Variants in RANBP2 observed in about 807,000 individuals in gnomAD.
RANBP2 encodes the protein RAN binding protein 2.
Under a neutral mutation model 303.6 loss-of-function variants are expected in RANBP2, and 57 were observed. The ratio of observed to expected loss-of-function variants is 0.19; its 90% CI spans 0.15 to 0.23. The LOEUF (loss-of-function observed/expected upper bound fraction) is 0.23. RANBP2 is among the 10% of genes least tolerant of loss of function. The probability of loss-of-function intolerance (pLI) is 1.00; values close to 1 mark genes in which losing one functional copy is unlikely to be tolerated. For synonymous variants in RANBP2, 1,167 were observed against 1,301.5 expected, an observed-to-expected ratio of 0.90 and a Z score of 2.23; for missense variants, 3,138 against 3,780.8, an observed-to-expected ratio of 0.83 and a Z score of 4.46.
At chr2:109,636,987 C>T in the RANBP2 span, among the ~76,000 whole-genome samples, 237 of 152,222 alleles carry the variant, frequency 1.6e-3, no homozygotes, top group African/African-American at 4.8e-3. Context: ...GGACCTGCAC[C>T]GGCACCGGTC....
the RANBP2 span, among the ~76,000 whole-genome samples, chr2:109,133,762 G>A: frequency 5.1e-4 from 71 of 138,482 alleles, no homozygotes; most frequent in African/African-American, 1.7e-3. Flanking sequence ...TTCTTTCCCT[G>A]TTACAGACTA....
the RANBP2 span, chr2:108,906,382 T>C: frequency 6.2e-7 from 1 of 1,613,870 alleles, no homozygotes; most frequent in Non-Finnish European, 8.5e-7. Context: ...TGAAAAAGAG[T>C]CGAGAATTTT....
intron 15 of RANBP2, among the ~76,000 whole-genome samples, 164 bp downstream of exon 15, chr2:108,754,135 C>G (rs946506733): frequency 6.6e-6 from 1 of 152,116 alleles, no homozygotes; most frequent in Non-Finnish European, 1.5e-5. Context: ...CTTGCTTTGT[C>G]TTAGGTTTGG....
chr2:109,707,709 C>T, the RANBP2 span, among the ~76,000 whole-genome samples: 12 of 152,280 alleles, frequency 7.9e-5, no homozygotes, highest in South Asian at 2.1e-4. Context: ...GCTGGTTGTT[C>T]GATAGTTTGA....
In RANBP2 at chr2:108,763,908, T is replaced by C. The variant is rs1201373010; in HGVS notation, c.3369T>C (p.Ser1123=). 6.2e-6 allele frequency: 10 copies of C among 1,613,832 alleles called. No individual in the cohort carries two copies. The highest frequency in any genetic ancestry group is 8.5e-6 in the Non-Finnish European group (10 of 1,179,984). Residue 1123 remains serine (S), a synonymous_variant, in exon 20 of 29, where the codon TCT becomes TCC. Coordinates refer to ENST00000283195, the MANE Select transcript of RANBP2 (RefSeq NM_006267.5). The part of the protein sequence containing the change: ...ENMGSSQQKN[S]GFRRSDDMFT... Reference sequence around the variant, plus strand: ...TGGGGTCGAGTCAGCAAAAGAATTCTGGTTTTCGGCGAAGTGATGATATGT... The same window carrying C: ...TGGGGTCGAGTCAGCAAAAGAATTCCGGTTTTCGGCGAAGTGATGATATGT...
intron 18 of RANBP2, 109 bp from the exon 19 acceptor site, chr2:108,761,992 A>C: frequency 6.9e-7 from 1 of 1,452,102 alleles, no homozygotes. Flanking sequence ...ATGTAGTTAA[A>C]TCTTTCTTTA....
chr2:108,860,845 T>A, the RANBP2 span, among the ~76,000 whole-genome samples: 1 of 151,762 alleles, frequency 6.6e-6, no homozygotes, highest in Non-Finnish European at 1.5e-5. Flanking sequence ...TCCCTCCTCC[T>A]CGATATTTTG....
At chr2:109,021,722 G>A in the RANBP2 span, among the ~76,000 whole-genome samples, 4 of 152,090 alleles carry the variant, frequency 2.6e-5, no homozygotes, top group East Asian at 7.8e-4. Flanking sequence ...TCCATTACCA[G>A]GTCCCCAGGG....
the RANBP2 span, among the ~76,000 whole-genome samples, chr2:108,927,851 G>A: frequency 6.6e-6 from 1 of 152,100 alleles, no homozygotes; most frequent in African/African-American, 2.4e-5. Context: ...GCTGACAAAT[G>A]GCACTATTTC....
the RANBP2 span, among the ~76,000 whole-genome samples, chr2:109,386,596 T>C: frequency 6.6e-6 from 1 of 152,158 alleles, no homozygotes. Context: ...GTGTTTCTGC[T>C]TCCCTTCTGT....
At chr2:109,065,877 G>A in the RANBP2 span, among the ~76,000 whole-genome samples, 1 of 152,086 alleles carries the variant, frequency 6.6e-6, no homozygotes, top group Admixed American at 6.5e-5. Flanking sequence ...GGTGATGTAG[G>A]CCCTTTCCAT....
chr2:109,326,519 CTT>C, the RANBP2 span, among the ~76,000 whole-genome samples: 1 of 152,152 alleles, frequency 6.6e-6, no homozygotes, highest in Admixed American at 6.5e-5. Context: ...TGTTGCCAGA[CTT>C]TTAAATTTTT....
At chr2:108,864,014 A>G in the RANBP2 span, among the ~76,000 whole-genome samples, 3 of 152,204 alleles carry the variant, frequency 2.0e-5, no homozygotes, top group Non-Finnish European at 4.4e-5. Context: ...CTCTGTTTCT[A>G]AGATGAAAGG....
chr2:109,299,317 GCTT>G, the RANBP2 span, among the ~76,000 whole-genome samples: 1 of 152,110 alleles, frequency 6.6e-6, no homozygotes, highest in Non-Finnish European at 1.5e-5. Context: ...AAAATTTGAA[GCTT>G]GCAGGGGCAG....
In RANBP2 at chr2:108,764,732, A is replaced by C; in HGVS notation, c.4193A>C (p.Lys1398Thr). Residue 1398 changes from lysine to threonine, a missense_variant, in exon 20 of 29, where the codon AAA becomes ACA. Physicochemically the swap from Lys to Thr is moderately conservative, Grantham distance 78 (BLOSUM62 -1). Transcript: ENST00000283195. ...PPLAETVFTP[K>T]TSPENVQDRF... The stretch of plus-strand genomic sequence containing the variant: ...TTAGCTGAAACTGTTTTTACTCCTA[A>C]AACCAGCCCAGAGAATGTTCAAGAT... 6.2e-7 allele frequency: 1 copy of C among 1,614,054 alleles called. No homozygotes were observed. The highest frequency in any genetic ancestry group is 8.5e-7 in the Non-Finnish European group (1 of 1,179,970).
chr2:108,729,839 C>T (rs1373517904), intron 2 of RANBP2, among the ~76,000 whole-genome samples: 1 of 151,968 alleles, frequency 6.6e-6, no homozygotes, highest in Non-Finnish European at 1.5e-5. Context: ...CCCACCTCAG[C>T]GCCCCAAGTA....
chr2:108,934,732 C>T, the RANBP2 span, among the ~76,000 whole-genome samples: 1 of 152,218 alleles, frequency 6.6e-6, no homozygotes, highest in Non-Finnish European at 1.5e-5. Flanking sequence ...ATAACGAACC[C>T]ACTCCCGCGA....
chr2:109,456,192 C>T, the RANBP2 span, among the ~76,000 whole-genome samples: 1 of 152,196 alleles, frequency 6.6e-6, no homozygotes, highest in South Asian at 2.1e-4. Context: ...CCACTTGTGC[C>T]TGGCAGCTCT....
chr2:108,753,860 T>A lies in RANBP2; in HGVS notation c.2091T>A (p.Asp697Glu), dbSNP rs1676098792. 6.2e-7 allele frequency: 1 copy of A among 1,612,028 alleles called. No individual in the cohort carries two copies. Among genetic ancestry groups the A allele is most frequent in the Non-Finnish European group, 8.5e-7 (1 of 1,179,854 alleles). ...GGAAGGCAGAAGACATTGAAAATGA[T>A]GCCCTTTCTCCTGAAGAACAAGAAG... is the stretch of plus-strand genomic sequence containing the variant. ...FHRKAEDIEN[D>E]ALSPEEQEEC... is the part of the protein sequence containing the mutation. The change falls in exon 15 of 29, where the codon GAT (aspartate) becomes GAA (glutamate). Residue 697 changes from aspartate (D) to glutamate (E), a missense_variant. By Grantham distance (45) the Asp-to-Glu change is conservative (BLOSUM62 2). Coordinates refer to ENST00000283195, the MANE Select transcript of RANBP2 (RefSeq NM_006267.5).
Sources: allele counts gnomAD v4.1 joint callset (sites outside exome capture counted in the v4.1 genomes callset), GRCh38; gene constraint gnomAD v4.1.1; transcripts MANE v1.5; gene names NCBI Gene and HGNC (gene_info 2026-07-23, HGNC 2026-07-21).